C6: variants seen among roughly 807,000 people sequenced by gnomAD.
The protein encoded by C6 is complement C6.
In C6, 101 loss-of-function variants were observed where a neutral mutation model predicts 112.9. The observed-to-expected ratio is 0.89, with a 90% confidence interval of 0.76 to 1.06. The LOEUF is 1.06. Among genes scored for constraint, C6 ranks in the 50% least tolerant of loss-of-function variants. The probability of loss-of-function intolerance (pLI) is 0.00; values close to 1 mark genes in which losing one functional copy is unlikely to be tolerated. For synonymous variants in C6, 431 were observed against 384.1 expected (o/e 1.12, Z -1.43); for missense variants, 1,202 against 1,104.6 (o/e 1.09, Z -1.25).
chr5:41,188,573 A>G (rs1205851223), intron 5 of C6, among the ~76,000 whole-genome samples: 1 of 152,064 alleles, frequency 6.6e-6, no homozygotes, highest in Non-Finnish European at 1.5e-5. Flanking sequence ...TTATATTGCA[A>G]ATGAATGAAA....
chr5:41,205,425 C>T (rs551877341), intron 1 of C6, among the ~76,000 whole-genome samples: 24 of 152,310 alleles, frequency 1.6e-4, no homozygotes, highest in African/African-American at 2.2e-4. Context: ...GGCGGGACAT[C>T]GCCTCACCTG....
chr5:41,147,257 GA>G (rs1406999776), intron 17 of C6, among the ~76,000 whole-genome samples: 1 of 152,132 alleles, frequency 6.6e-6, no homozygotes, highest in Non-Finnish European at 1.5e-5. Context: ...TCAAAAAAAT[GA>G]ATAGTAGAGT....
At chr5:41,195,247 A>G (rs1052533663) in intron 5 of C6, among the ~76,000 whole-genome samples, 1 of 151,690 alleles carries the variant, frequency 6.6e-6, no homozygotes. Flanking sequence ...CTTTTTTTCT[A>G]TATTTGCTTA....
Position 41,161,737 on chromosome 5 carries a change from A to C in C6, c.1414T>G (p.Trp472Gly), listed in dbSNP as rs1347635334. The change falls in exon 10 of 18, where the codon TGG becomes GGG. Residue 472 changes from tryptophan (W) to glycine (G), a missense_variant. Physicochemically the swap from Trp to Gly is radical, Grantham distance 184. Coordinates refer to ENST00000337836, the MANE Select transcript of C6 (RefSeq NM_000065.5). ...GGATTTTCCTTCACTGATTCTAACC[A>C]CTCAGAAAATGTCTTCTCCTCCAGA... is the stretch of plus-strand genomic sequence containing the variant. ...SGLEEKTFSE[W>G]LESVKENPAV... is the part of the protein sequence containing the mutation. 6.2e-7 allele frequency: 1 copy of C among 1,613,406 alleles called. No homozygotes were observed. Among genetic ancestry groups the C allele is most frequent in the Non-Finnish European group, 8.5e-7 (1 of 1,179,642 alleles).
In C6 at chr5:41,172,206, TAA is replaced by T. The variant is rs766109736; in HGVS notation, c.1291+17_1291+18del. 39 of 1,613,280 alleles carry T rather than the reference TAA, an allele frequency of 2.4e-5. No individual in the cohort carries two copies. The highest frequency in any genetic ancestry group is 3.0e-5 in the Non-Finnish European group (35 of 1,179,440). On this transcript the variant is annotated intron_variant, in intron 9 of 17. Transcript: ENST00000337836. ...GCTCAGGGCACACTGGATAAGCTGC[TAA>T]GAGAGAGTACTGTTACCTTCATGTT...
chr5:41,207,328 A>G (rs557193726), intron 1 of C6, among the ~76,000 whole-genome samples: 14 of 152,228 alleles, frequency 9.2e-5, no homozygotes, highest in South Asian at 6.2e-4. Flanking sequence ...ACTAATGGGA[A>G]AAATAACCAG....
chr5:41,193,085 G>C (rs559822305), intron 5 of C6, among the ~76,000 whole-genome samples: 2 of 152,250 alleles, frequency 1.3e-5, no homozygotes, highest in South Asian at 4.1e-4. Context: ...GAATTCTGTG[G>C]GTTGTCTAAG....
intron 14 of C6, 50 bp from the exon 15 acceptor site, chr5:41,154,048 A>C (rs4957374): frequency 0.85 from 1,332,229 of 1,566,516 alleles, 567,101 homozygotes; most frequent in Admixed American, 0.92. Flanking sequence ...GAATAAACAA[A>C]AAATTTAGGC....
At chr5:41,172,152 A>G (rs1748470904) in intron 9 of C6, 73 bp downstream of exon 9, 6 of 1,479,976 alleles carry the variant, frequency 4.1e-6, no homozygotes, top group Non-Finnish European at 5.7e-6. Context: ...GCACAGTCAC[A>G]TCCAATATGG....
rs764200725 is a variant in C6, at chr5:41,161,709, G to A, written c.1442C>T (p.Ala481Val). Residue 481 changes from alanine (A) to valine (V), a missense_variant, in exon 10 of 18, where the codon GCT becomes GTT. By Grantham distance (64) the Ala-to-Val change is moderately conservative. Transcript: ENST00000337836. ...TACTCTTACCTCAAAGTCAATCACA[G>A]CAGGATTTTCCTTCACTGATTCTAA... ...EWLESVKENP[A>V]VIDFELAPIV... 1.9e-6 allele frequency: 3 copies of A among 1,613,354 alleles called. No individual in the cohort carries two copies. The highest frequency in any genetic ancestry group is 2.7e-5 in the African/African-American group (2 of 74,888).
At chr5:41,230,115 G>T (rs1037919042) in intron 1 of C6, among the ~76,000 whole-genome samples, 2 of 151,910 alleles carry the variant, frequency 1.3e-5, no homozygotes, top group Non-Finnish European at 2.9e-5. Flanking sequence ...CGTTATCTTT[G>T]TAAGCTGAGA....
intron 1 of C6, among the ~76,000 whole-genome samples, chr5:41,205,452 G>A (rs972802743): frequency 5.3e-5 from 8 of 152,164 alleles, no homozygotes; most frequent in Admixed American, 2.6e-4. Flanking sequence ...GCAAGGGGTC[G>A]GGGAATTCCC....
intron 13 of C6, 45 bp from the exon 14 acceptor site, chr5:41,155,149 A>T (rs752587467): frequency 3.2e-6 from 5 of 1,538,914 alleles, no homozygotes; most frequent in Middle Eastern, 1.7e-4. Flanking sequence ...TATGAATAAC[A>T]CTCTCTAAAC....
At chr5:41,254,354 C>T (rs752063688) in intron 1 of C6, among the ~76,000 whole-genome samples, 14 of 152,066 alleles carry the variant, frequency 9.2e-5, no homozygotes, top group Admixed American at 1.3e-4. Flanking sequence ...TGCAGTGAGC[C>T]GAGACTGCAC....
intron 4 of C6, 85 bp downstream of exon 4, chr5:41,199,683 G>A (rs1341509559): frequency 3.5e-5 from 46 of 1,302,396 alleles, no homozygotes; most frequent in Non-Finnish European, 4.0e-5. Context: ...CTCTGTGATG[G>A]ATTCTACTGT....
At position 41,161,742 on chromosome 5, in the gene C6, G is replaced by C; in HGVS notation, c.1409C>G (p.Ser470Cys). 6.2e-7 allele frequency: 1 copy of C among 1,613,578 alleles called. No homozygotes were observed. ...GSSGLEEKTF[S>C]EWLESVKENP... ...TTCCTTCACTGATTCTAACCACTCA[G>C]AAAATGTCTTCTCCTCCAGACCAGA... The change falls in exon 10 of 18, where the codon TCT becomes TGT. Residue 470 changes from serine to cysteine, a missense_variant. Coordinates refer to ENST00000337836, the MANE Select transcript of C6 (RefSeq NM_000065.5).
intron 11 of C6, among the ~76,000 whole-genome samples, chr5:41,159,817 G>A (rs1747299650): frequency 1.3e-5 from 2 of 152,034 alleles, no homozygotes; most frequent in South Asian, 4.2e-4. Context: ...TGTTATGTTT[G>A]ATTTTTTATG....
At chr5:41,182,846 T>C (rs1749462164) in intron 6 of C6, among the ~76,000 whole-genome samples, 1 of 152,312 alleles carries the variant, frequency 6.6e-6, no homozygotes, top group Non-Finnish European at 1.5e-5. Flanking sequence ...CATACCACTA[T>C]GGCAGAGTTA....
intron 5 of C6, among the ~76,000 whole-genome samples, chr5:41,194,896 C>G (rs1328559861): frequency 6.6e-6 from 1 of 152,138 alleles, no homozygotes; most frequent in East Asian, 1.9e-4. Flanking sequence ...GAAGAAAGAG[C>G]TATGTGATCT....
Sources: gnomAD v4.1 joint callset for allele counts (sites outside exome capture counted in the v4.1 genomes callset) on GRCh38, gnomAD v4.1.1 for gene constraint, MANE v1.5 for transcripts, NCBI Gene and HGNC (gene_info 2026-07-23, HGNC 2026-07-21) for gene names.